The following RAB37 variants were observed in gnomAD, a reference collection of about 807,000 sequenced individuals.
The protein encoded by RAB37 is ras-related protein Rab-37.
In RAB37, 29 loss-of-function variants were observed where a neutral mutation model predicts 33.1. The observed-to-expected ratio is 0.88, with a 90% confidence interval of 0.65 to 1.20. RAB37 has a LOEUF of 1.20. Among genes scored for constraint, RAB37 ranks in the 50% most tolerant of loss-of-function variants. The pLI is 0.00. For synonymous variants in RAB37, 128 were observed against 119.5 expected (o/e 1.07, Z -0.47); for missense variants, 299 against 301.1 (o/e 0.99, Z 0.05).
intron 1 of RAB37, among the ~76,000 whole-genome samples, chr17:74,726,730 C>G (rs1198150130): frequency 6.6e-6 from 1 of 152,202 alleles, no homozygotes; most frequent in East Asian, 1.9e-4. Flanking sequence ...ATATGCATTC[C>G]CTTCCATGTC....
chr17:74,742,398 A>C lies in RAB37; in HGVS notation c.246+103A>C, dbSNP rs2034640581. The stretch of plus-strand genomic sequence containing the variant: ...GCAGCCCTGCCCTCCGCCTGGGGCA[A>C]TTTCCTGTGGGGCCCACGGGAGGAA... On this transcript the variant is annotated intron_variant, in intron 3 of 8. Coordinates refer to ENST00000392613, the MANE Select transcript of RAB37 (RefSeq NM_001006638.3). This position sits in a 1 kb window ranked among gnomAD's most constrained non-coding sequence, Gnocchi z 4.0. The C allele has an allele frequency of 1.1e-6, 1 of 895,080 alleles. No individual in the cohort carries two copies. The highest frequency in any genetic ancestry group is 1.7e-6 in the Non-Finnish European group (1 of 576,464). 55.4% of individuals were successfully genotyped at this position (895,080 alleles called of 1,614,324 possible).
At chr17:74,727,456 G>A (rs2034319462) in intron 1 of RAB37, among the ~76,000 whole-genome samples, 1 of 152,234 alleles carries the variant, frequency 6.6e-6, no homozygotes, top group Admixed American at 6.5e-5. Context: ...CCACCTTGCA[G>A]TATCTGGAGG....
rs1308664445 is a variant in RAB37 at position 74,671,781 on chromosome 17, G to T, written c.72+123G>T. ...AACTAGCTTGTATCTGTGAGTCTGG[G>T]GAGCCCTTTCTGTCTGATCCTGTTT... is the stretch of plus-strand genomic sequence containing the variant. On this transcript the variant is annotated intron_variant, in intron 1 of 7. Transcript: ENST00000340415. This position sits in a 1 kb window ranked among gnomAD's most constrained non-coding sequence, Gnocchi z 5.0. The T allele has an allele frequency of 3.6e-6, 3 of 838,426 alleles. No individual in the cohort carries two copies. In the African/African-American group the frequency reaches 5.1e-5, roughly 14 times the overall value. 51.9% of individuals were successfully genotyped at this position (838,426 alleles called of 1,614,324 possible). A position where few individuals can be genotyped will look rare whatever the true frequency, so the allele number is the denominator to read the frequency against.
upstream of RAB37, among the ~76,000 whole-genome samples, chr17:74,736,392 G>A (rs1200598955): frequency 6.6e-6 from 1 of 152,210 alleles, no homozygotes; most frequent in Non-Finnish European, 1.5e-5. Flanking sequence ...TCTGCTACCG[G>A]CAACCCCAGC....
At chr17:74,712,903 G>T in intron 1 of RAB37, 1 of 1,610,182 alleles carries the variant, frequency 6.2e-7, no homozygotes, top group Non-Finnish European at 8.5e-7. Context: ...CCTCAGTGGA[G>T]CCTGGCAGCA....
At chr17:74,717,110 G>T (rs2034174962) in intron 1 of RAB37, among the ~76,000 whole-genome samples, 1 of 152,190 alleles carries the variant, frequency 6.6e-6, no homozygotes, top group African/African-American at 2.4e-5. Flanking sequence ...ATTCCAGCCT[G>T]GGCAACGAGA....
chr17:74,719,882 T>C (rs949821011), intron 1 of RAB37, among the ~76,000 whole-genome samples: 5 of 152,180 alleles, frequency 3.3e-5, no homozygotes, highest in Admixed American at 3.3e-4. Context: ...AAAAGTCTTA[T>C]CTCCATTTCC....
chr17:74,730,483 T>C lies in RAB37; in HGVS notation c.183+1117T>C, dbSNP rs1016573985. On this transcript the variant is annotated intron_variant, in intron 2 of 7. Coordinates refer to the RAB37 transcript ENST00000340415. This position sits in a 1 kb window ranked among gnomAD's most constrained non-coding sequence, Gnocchi z 4.4. ...GTGAGTGCCTGGTTCGGGTGTGTTCTGGGGCCTAGAATCGGCCCTGAAACA... is the reference window on the plus strand; with the variant it reads ...GTGAGTGCCTGGTTCGGGTGTGTTCCGGGGCCTAGAATCGGCCCTGAAACA... Among the ~76,000 whole-genome samples, 3 of 152,170 alleles carry C rather than the reference T, an allele frequency of 2.0e-5. No homozygotes were observed. Among genetic ancestry groups the C allele is most frequent in the African/African-American group, 7.2e-5 (3 of 41,460 alleles).
Position 74,711,013 on chromosome 17 carries a change from T to A in RAB37, c.73-18243T>A, listed in dbSNP as rs184558449. On this transcript the variant is annotated intron_variant, in intron 1 of 7. Coordinates refer to the RAB37 transcript ENST00000340415. ...ATGATCATGCCACCACACTCCAGCCTAGGCAACAGACTGAGACCCCAACTC... is the reference window on the plus strand; with the variant it reads ...ATGATCATGCCACCACACTCCAGCCAAGGCAACAGACTGAGACCCCAACTC... Among the ~76,000 whole-genome samples, 156 of 152,266 alleles carry A rather than the reference T, an allele frequency of 1.0e-3. 1 individual carries two copies. Among genetic ancestry groups the A allele is most frequent in the African/African-American group, 3.4e-3 (142 of 41,560 alleles).
intron 1 of RAB37, among the ~76,000 whole-genome samples, chr17:74,728,997 T>C (rs576585289): frequency 2.6e-4 from 40 of 152,042 alleles, no homozygotes; most frequent in African/African-American, 9.6e-4. Context: ...TGTGCTTCTG[T>C]GTGTATGTTT....
At chr17:74,736,230 A>C (rs1466082813), upstream of RAB37, among the ~76,000 whole-genome samples, 1 of 149,906 alleles carries the variant, frequency 6.7e-6, no homozygotes, top group African/African-American at 2.4e-5. Context: ...AAAAAAGTGC[A>C]GGTACCCCTC....
At chr17:74,737,214 G>GGGGGGGGGGGGGGGGGC, upstream of RAB37, 3 of 1,245,108 alleles carry the variant, frequency 2.4e-6, no homozygotes, top group Non-Finnish European at 2.3e-6. Context: ...CGGGGGTGGG[G>GGGGGGGGGGGGGGGGGC]CCGTTCCTGC....
At chr17:74,687,015 G>A (rs1220305051) in intron 1 of RAB37, among the ~76,000 whole-genome samples, 1 of 152,164 alleles carries the variant, frequency 6.6e-6, no homozygotes, top group Non-Finnish European at 1.5e-5. Flanking sequence ...ATGCCAACAA[G>A]TGCCAGTGCT....
At chr17:74,736,993 A>T (rs373139408), upstream of RAB37, 674 of 1,589,404 alleles carry the variant, frequency 4.2e-4, 4 homozygotes, top group East Asian at 0.014. Flanking sequence ...ACCACAGGGG[A>T]CCGGTCCCGG....
At chr17:74,737,221 C>T, upstream of RAB37, 5 of 1,535,612 alleles carry the variant, frequency 3.3e-6, no homozygotes, top group Non-Finnish European at 4.4e-6. Flanking sequence ...GGGGCCGTTC[C>T]TGCGCTCTCC....
chr17:74,682,018 G>T (rs894749972), intron 1 of RAB37, among the ~76,000 whole-genome samples: 1 of 152,242 alleles, frequency 6.6e-6, no homozygotes, highest in African/African-American at 2.4e-5. Context: ...TGTCTCTGCT[G>T]TTAGCCAGCT....
At chr17:74,720,449 G>T (rs1305012375) in intron 1 of RAB37, among the ~76,000 whole-genome samples, 1 of 152,048 alleles carries the variant, frequency 6.6e-6, no homozygotes, top group Non-Finnish European at 1.5e-5. Flanking sequence ...AATTTGGCAG[G>T]GTGTGGTGGC....
chr17:74,674,201 A>C (rs890470357), intron 1 of RAB37, among the ~76,000 whole-genome samples: 2 of 151,946 alleles, frequency 1.3e-5, no homozygotes, highest in African/African-American at 4.8e-5. Context: ...CAGCCTCCCC[A>C]GTAACTGGAA....
intron 1 of RAB37, among the ~76,000 whole-genome samples, chr17:74,707,950 C>T (rs1434175857): frequency 4.6e-5 from 7 of 151,730 alleles, no homozygotes; most frequent in Admixed American, 4.6e-4. Flanking sequence ...GAGTTCAAGA[C>T]CAGCCTGGCC....
Sources: gnomAD v4.1 joint callset for allele counts (sites outside exome capture counted in the v4.1 genomes callset) on GRCh38, gnomAD v4.1.1 for gene constraint, Gnocchi (gnomAD v3.1) non-coding constraint, MANE v1.5 for transcripts, NCBI Gene and HGNC (gene_info 2026-07-23, HGNC 2026-07-21) for gene names.